Variants in ADAM12 observed in about 807,000 individuals in gnomAD.
ADAM12 encodes ADAM metallopeptidase domain 12.
ADAM12 carries 70 observed loss-of-function variants against 106.4 expected under a neutral mutation model. The ratio of observed to expected loss-of-function variants is 0.66; its 90% CI spans 0.54 to 0.80. The LOEUF is 0.80. ADAM12 is among the 30% of genes least tolerant of loss of function. The pLI is 0.00. For synonymous variants in ADAM12, 420 were observed against 433.5 expected (o/e 0.97, Z 0.39); for missense variants, 1,010 against 1,171.9 (o/e 0.86, Z 2.02).
chr10:126,317,052 G>A (rs906516343), intron 2 of ADAM12, among the ~76,000 whole-genome samples: 1 of 152,180 alleles, frequency 6.6e-6, no homozygotes, highest in Non-Finnish European at 1.5e-5. Flanking sequence ...GGTCCTGGGT[G>A]ACTGAAGTTT....
intron 3 of ADAM12, among the ~76,000 whole-genome samples, chr10:126,195,361 G>A (rs1590601032): frequency 6.6e-6 from 1 of 152,124 alleles, no homozygotes; most frequent in East Asian, 1.9e-4. Context: ...GATCACCTCA[G>A]ATCAGGGGTT....
intron 1 of ADAM12, among the ~76,000 whole-genome samples, chr10:126,337,137 G>T (rs542849709): frequency 6.6e-6 from 1 of 152,226 alleles, no homozygotes; most frequent in Admixed American, 6.5e-5. Flanking sequence ...AGGACAGGCC[G>T]TCTGCAAGCT....
chr10:126,346,453 A>G (rs932683430), intron 1 of ADAM12, among the ~76,000 whole-genome samples: 2 of 152,172 alleles, frequency 1.3e-5, no homozygotes, highest in Non-Finnish European at 2.9e-5. Flanking sequence ...TATGTGGTCA[A>G]TTTTGGAATA....
At chr10:126,270,988 G>C (rs1174287195) in intron 3 of ADAM12, among the ~76,000 whole-genome samples, 1 of 152,160 alleles carries the variant, frequency 6.6e-6, no homozygotes, top group Non-Finnish European at 1.5e-5. Context: ...CTGATCTCCA[G>C]CTCATAGCTG....
At chr10:126,139,839 C>CA (rs1956478109) in intron 4 of ADAM12, among the ~76,000 whole-genome samples, 1 of 152,186 alleles carries the variant, frequency 6.6e-6, no homozygotes, top group Non-Finnish European at 1.5e-5. Context: ...GCTGCCAGGT[C>CA]ACCTCCTTAG....
At chr10:126,159,125 C>G (rs760735855) in intron 3 of ADAM12, among the ~76,000 whole-genome samples, 3 of 151,870 alleles carry the variant, frequency 2.0e-5, no homozygotes, top group Non-Finnish European at 4.4e-5. Context: ...CTGGCTAATA[C>G]GGTGAAACCC....
chr10:126,026,373 T>G (rs1208400013), intron 21 of ADAM12, among the ~76,000 whole-genome samples: 1 of 151,808 alleles, frequency 6.6e-6, no homozygotes, highest in African/African-American at 2.4e-5. Flanking sequence ...CACCTGACAA[T>G]ATTAGAAAAT....
At position 126,036,277 on chromosome 10, in the gene ADAM12, G is replaced by T; in HGVS notation, c.2398C>A (p.Pro800Thr). The change falls in exon 21 of 23, where the codon CCC (proline) becomes ACC (threonine). Residue 800 changes from proline (P) to threonine (T), a missense_variant. Coordinates refer to ENST00000448723, the MANE Select transcript of ADAM12 (RefSeq NM_001288973.2). Reference sequence around the variant, plus strand: ...TGAGGGACATTCAGGCCGTTGAGGGGTCTGCTGATGTCAACATTCTGACAC... The same window carrying T: ...TGAGGGACATTCAGGCCGTTGAGGGTTCTGCTGATGTCAACATTCTGACAC... ...LQCQNVDISR[P>T]LNGLNVPQPQ... 1 of 1,561,156 alleles carries T rather than the reference G, an allele frequency of 6.4e-7. No homozygotes were observed. The highest frequency in any genetic ancestry group is 8.6e-7 in the Non-Finnish European group (1 of 1,160,478).
At chr10:126,181,929 C>A (rs1565120727) in intron 3 of ADAM12, among the ~76,000 whole-genome samples, 1 of 152,162 alleles carries the variant, frequency 6.6e-6, no homozygotes, top group African/African-American at 2.4e-5. Context: ...AATTGCATGG[C>A]CCGGTCAGCA....
intron 3 of ADAM12, among the ~76,000 whole-genome samples, chr10:126,256,170 T>C (rs1025553094): frequency 2.0e-5 from 3 of 152,064 alleles, no homozygotes; most frequent in Non-Finnish European, 2.9e-5. Flanking sequence ...TTGCTCCAGG[T>C]GATTCTAATG....
At chr10:126,269,929 C>A (rs1441378168) in intron 3 of ADAM12, among the ~76,000 whole-genome samples, 1 of 152,154 alleles carries the variant, frequency 6.6e-6, no homozygotes, top group Non-Finnish European at 1.5e-5. Flanking sequence ...GGTTGAGGAA[C>A]AAAAAGCTCT....
intron 3 of ADAM12, among the ~76,000 whole-genome samples, chr10:126,230,403 C>T (rs1183914958): frequency 2.0e-5 from 3 of 152,170 alleles, no homozygotes; most frequent in Middle Eastern, 6.3e-3. Flanking sequence ...CTATACTTTC[C>T]TGAGGATAAA....
intron 21 of ADAM12, among the ~76,000 whole-genome samples, chr10:126,032,339 T>C (rs1431918571): frequency 6.6e-6 from 1 of 152,236 alleles, no homozygotes; most frequent in Non-Finnish European, 1.5e-5. Context: ...CTATGTGTGA[T>C]GGGAGAGAAA....
intron 3 of ADAM12, among the ~76,000 whole-genome samples, chr10:126,159,166 C>A (rs143500417): frequency 6.6e-6 from 1 of 151,702 alleles, no homozygotes; most frequent in Non-Finnish European, 1.5e-5. Context: ...AAAAATTAGC[C>A]GGGCACGGTG....
chr10:126,161,545 GA>G (rs2133742094), intron 3 of ADAM12, among the ~76,000 whole-genome samples: 1 of 152,324 alleles, frequency 6.6e-6, no homozygotes, highest in Admixed American at 6.5e-5. Context: ...ATGAATACGT[GA>G]AAGAATAAGT....
At chr10:126,338,246 A>ATCTTTT (rs1854781226) in intron 1 of ADAM12, among the ~76,000 whole-genome samples, 1 of 89,854 alleles carries the variant, frequency 1.1e-5, no homozygotes, top group African/African-American at 4.5e-5. Context: ...AGTAACTTAC[A>ATCTTTT]TTTTTTTTTT....
Position 126,022,643 on chromosome 10 carries a change from T to C in ADAM12, c.2530-2818A>G, listed in dbSNP as rs151125965. Among the ~76,000 whole-genome samples the C allele has an allele frequency of 6.4e-3, 970 of 152,332 alleles. 7 individuals are homozygous for C. The highest frequency in any genetic ancestry group is 0.02 in the Middle Eastern group (6 of 294). On this transcript the variant is annotated intron_variant, in intron 21 of 22. Transcript: ENST00000448723. ...TAGGTGTTGCTTTTCATTCTGCCTT[T>C]GCAAAACCTAAACCTGAACCTCTCC...
At chr10:126,281,305 T>C (rs1417319897) in intron 2 of ADAM12, among the ~76,000 whole-genome samples, 2 of 152,220 alleles carry the variant, frequency 1.3e-5, no homozygotes, top group Non-Finnish European at 2.9e-5. Flanking sequence ...TTAGTTACTT[T>C]AGTTACAAAT....
intron 3 of ADAM12, among the ~76,000 whole-genome samples, chr10:126,169,492 C>T (rs1957081427): frequency 1.3e-5 from 2 of 152,116 alleles, no homozygotes; most frequent in South Asian, 4.1e-4. Flanking sequence ...AATGGAATAA[C>T]TGAGAATGAG....
Sources: gnomAD v4.1 joint callset for allele counts (sites outside exome capture counted in the v4.1 genomes callset) on GRCh38, gnomAD v4.1.1 for gene constraint, MANE v1.5 for transcripts, NCBI Gene and HGNC (gene_info 2026-07-23, HGNC 2026-07-21) for gene names.